SEC23B: variants seen among roughly 807,000 people sequenced by gnomAD.
The protein encoded by SEC23B is SEC23 homolog B, COPII component.
Under a neutral mutation model 104.3 loss-of-function variants are expected in SEC23B, and 77 were observed. The observed-to-expected ratio is 0.74, with a 90% confidence interval of 0.61 to 0.89. The LOEUF is 0.89. Ranked by LOEUF, SEC23B falls within the 40% of genes least tolerant of loss-of-function variation. The pLI, the probability that SEC23B is intolerant of heterozygous loss-of-function variation, is 0.00. For missense variants in SEC23B, 885 were observed against 949.4 expected (o/e 0.93, Z 0.89); for synonymous variants, 338 against 332.5 (o/e 1.02, Z -0.18).
At chr20:18,524,873 A>C in intron 5 of SEC23B, 62 bp from the exon 6 acceptor site, 1 of 1,566,782 alleles carries the variant, frequency 6.4e-7, no homozygotes, top group Middle Eastern at 1.7e-4. Context: ...CATTTCTTAA[A>C]AATTAGTCAT....
intron 19 of SEC23B, among the ~76,000 whole-genome samples, chr20:18,559,923 C>A (rs2060476663): frequency 1.3e-5 from 2 of 152,070 alleles, no homozygotes; most frequent in Admixed American, 6.6e-5. Context: ...TCTATTCCTT[C>A]CTCGAAATCC....
chr20:18,540,400 G>A (rs891472168), intron 12 of SEC23B, among the ~76,000 whole-genome samples: 2 of 152,176 alleles, frequency 1.3e-5, no homozygotes, highest in African/African-American at 2.4e-5. Flanking sequence ...TGAGCAGCAG[G>A]TCTCAACAGT....
chr20:18,535,858 T>C (rs781558128), intron 12 of SEC23B, 116 bp downstream of exon 12: 168 of 805,196 alleles, frequency 2.1e-4, no homozygotes, highest in Non-Finnish European at 3.4e-4. Context: ...GGTATTGTAT[T>C]AGGCCTGATG....
intron 11 of SEC23B, among the ~76,000 whole-genome samples, chr20:18,533,490 G>T (rs1171420425): frequency 6.6e-6 from 1 of 152,158 alleles, no homozygotes; most frequent in Non-Finnish European, 1.5e-5. Context: ...CCGAGCAAAG[G>T]ACTTATTTGC....
At chr20:18,528,743 C>G (rs4814756) in intron 9 of SEC23B, among the ~76,000 whole-genome samples, 140,733 of 152,310 alleles carry the variant, frequency 0.92, 65,925 homozygotes, top group East Asian at 1. Flanking sequence ...ATTCCTACCA[C>G]GGCCTTCCAG....
chr20:18,526,169 G>T (rs930748527), intron 7 of SEC23B, among the ~76,000 whole-genome samples: 1 of 152,290 alleles, frequency 6.6e-6, no homozygotes. Context: ...CTCAAACAGC[G>T]AATTAATAAA....
At chr20:18,530,830 T>C (rs1369557738) in intron 10 of SEC23B, 27 bp downstream of exon 10, 2 of 1,570,174 alleles carry the variant, frequency 1.3e-6, no homozygotes, top group Non-Finnish European at 8.7e-7. Flanking sequence ...TTTTTTTTTA[T>C]GTGGACTCAC....
chr20:18,530,881 A>G (rs373169191), intron 10 of SEC23B, 78 bp downstream of exon 10: 8 of 1,199,886 alleles, frequency 6.7e-6, no homozygotes, highest in South Asian at 5.1e-5. Flanking sequence ...GTCTCAGGCA[A>G]TTTTCCCGCC....
chr20:18,522,562 G>A (rs1446265220), intron 4 of SEC23B, among the ~76,000 whole-genome samples: 2 of 152,182 alleles, frequency 1.3e-5, no homozygotes, highest in Admixed American at 6.5e-5. Context: ...GAGGTCGTAG[G>A]CGGATCTCTT....
rs1227221082 is a variant in SEC23B at position 18,561,254 on chromosome 20, A to G, written c.*514A>G. ...AAATATACCTTATCCTAAAGAGCTC[A>G]TAACAAATAAGTTACCTCCACTCTA... On this transcript the variant is annotated 3_prime_UTR_variant, in exon 20 of 20. Coordinates refer to ENST00000650089, the MANE Select transcript of SEC23B (RefSeq NM_006363.6). 1 of 157,154 alleles carries G rather than the reference A, an allele frequency of 6.4e-6. No homozygotes were observed. The highest frequency in any genetic ancestry group is 1.4e-5 in the Non-Finnish European group (1 of 71,194). 9.7% of individuals were successfully genotyped at this position (157,154 alleles called of 1,614,324 possible).
chr20:18,530,291 G>A (rs915170337), intron 9 of SEC23B, among the ~76,000 whole-genome samples: 4 of 150,740 alleles, frequency 2.7e-5, no homozygotes, highest in Non-Finnish European at 4.4e-5. Context: ...TTGCTCTGTC[G>A]CCCAGGCTGG....
At chr20:18,520,677 G>A (rs993544382) in intron 4 of SEC23B, among the ~76,000 whole-genome samples, 5 of 152,052 alleles carry the variant, frequency 3.3e-5, no homozygotes, top group East Asian at 3.9e-4. Flanking sequence ...CAGCCTGGCC[G>A]TCAATACCCA....
intron 6 of SEC23B, among the ~76,000 whole-genome samples, chr20:18,525,582 A>T (rs1302757132): frequency 6.6e-6 from 1 of 152,212 alleles, no homozygotes; most frequent in Non-Finnish European, 1.5e-5. Flanking sequence ...ACATAAGTAA[A>T]TTGCTAAGTA....
chr20:18,526,442 A>G lies in SEC23B; in HGVS notation c.904A>G (p.Met302Val), dbSNP rs2060134642. 6.8e-6 allele frequency: 11 copies of G among 1,614,196 alleles called. No individual in the cohort carries two copies. Among genetic ancestry groups the G allele is most frequent in the African/African-American group, 1.3e-5 (1 of 75,060 alleles). ...TGGPPTQGPG[M>V]VVGDELKIPI... ...AGGTCCCCCTACCCAAGGGCCTGGC[A>G]TGGTGGTTGGAGATGAATTAAAGAT... Residue 302 changes from methionine (M) to valine (V), a missense_variant, in exon 8 of 20, where the codon ATG becomes GTG. Physicochemically the swap from Met to Val is conservative, Grantham distance 21. Transcript: ENST00000650089.
At chr20:18,521,455 C>G (rs2060083091) in intron 4 of SEC23B, among the ~76,000 whole-genome samples, 1 of 152,096 alleles carries the variant, frequency 6.6e-6, no homozygotes, top group Non-Finnish European at 1.5e-5. Flanking sequence ...GAAAAAGAGC[C>G]TAAATGCTAA....
intron 6 of SEC23B, among the ~76,000 whole-genome samples, chr20:18,525,453 AC>A (rs1411356678): frequency 5.9e-5 from 9 of 152,262 alleles, no homozygotes; most frequent in South Asian, 2.1e-4. Context: ...AAGATTGTCC[AC>A]ATAAATGGAC....
Position 18,554,969 on chromosome 20 carries a change from AT to A in SEC23B, c.2149-137del. The A allele has an allele frequency of 3.6e-4, 25 of 70,040 alleles. 10 individuals carry two copies. Among genetic ancestry groups the A allele is most frequent in the Non-Finnish European group, 7.4e-4 (17 of 22,996 alleles). The allele number at this position is 70,040 out of a possible 1,614,324, so 4.3% of individuals were successfully genotyped here. A position where few individuals can be genotyped will look rare whatever the true frequency, so the allele number is the denominator to read the frequency against. ...AAATAGATTACTGTGCAGTAAAACA[AT>A]TCTAATTAGATTACTGTGCAGTAAA... On this transcript the variant is annotated intron_variant, in intron 18 of 19. Transcript: ENST00000650089.
At chr20:18,556,987 C>T (rs748827370) in intron 19 of SEC23B, among the ~76,000 whole-genome samples, 29 of 152,120 alleles carry the variant, frequency 1.9e-4, no homozygotes, top group African/African-American at 5.8e-4. Context: ...CAGAGCAAGA[C>T]GCTATCTTGA....
chr20:18,546,561 C>T (rs982560109), intron 15 of SEC23B, among the ~76,000 whole-genome samples: 4 of 152,174 alleles, frequency 2.6e-5, no homozygotes, highest in African/African-American at 9.7e-5. Flanking sequence ...GATGAATTTC[C>T]GTCTCCATTG....
Sources: allele counts gnomAD v4.1 joint callset (sites outside exome capture counted in the v4.1 genomes callset), GRCh38; gene constraint gnomAD v4.1.1; transcripts MANE v1.5; gene names NCBI Gene and HGNC (gene_info 2026-07-23, HGNC 2026-07-21).